The following CCDC33 variants were observed in gnomAD, a reference collection of about 807,000 sequenced individuals.
CCDC33 encodes coiled-coil domain containing 33, also known as coiled-coil domain-containing protein 33.
Under a neutral mutation model 91.9 loss-of-function variants are expected in CCDC33, and 94 were observed. That is an observed-to-expected ratio of 1.02 (90% confidence interval 0.87 to 1.21). The LOEUF (loss-of-function observed/expected upper bound fraction) is 1.21. Ranked by LOEUF, CCDC33 falls within the 50% of genes most tolerant of loss-of-function variation. CCDC33 has a pLI of 0.00. For synonymous variants in CCDC33, 396 were observed against 374.5 expected (o/e 1.06, Z -0.66); for missense variants, 940 against 935.5 (o/e 1.00, Z -0.06).
intron 2 of CCDC33, among the ~76,000 whole-genome samples, chr15:74,223,347 A>G (rs1395133725): frequency 6.6e-6 from 1 of 152,160 alleles, no homozygotes. Context: ...AGGTTAGATC[A>G]GGACTGCCAG....
At chr15:74,323,870 T>C (rs1326776186) in intron 11 of CCDC33, among the ~76,000 whole-genome samples, 2 of 150,816 alleles carry the variant, frequency 1.3e-5, no homozygotes, top group Non-Finnish European at 3.0e-5. Context: ...GGTGGGCGGA[T>C]CATGAGGTCA....
At chr15:74,296,049 C>A in intron 11 of CCDC33, 101 bp downstream of exon 11, 1 of 993,748 alleles carries the variant, frequency 1.0e-6, no homozygotes, top group Non-Finnish European at 1.5e-6. Flanking sequence ...CTCAGGTGGC[C>A]AGTAGACCTC....
chr15:74,334,279 T>A (rs2060508840), intron 17 of CCDC33, among the ~76,000 whole-genome samples: 1 of 147,344 alleles, frequency 6.8e-6, no homozygotes, highest in South Asian at 2.2e-4. Flanking sequence ...GTTCAGTGTG[T>A]GACCAGGGTC....
chr15:74,318,795 C>A lies in CCDC33; in HGVS notation c.1291-11394C>A, dbSNP rs536643273. ...AAGTGGGAGGCAGGGTGGAGAGGAC[C>A]AGGGCTTTGGCCCTTAGATGCCCGT... On this transcript the variant is annotated intron_variant, in intron 11 of 18. Coordinates refer to ENST00000398814, the MANE Select transcript of CCDC33 (RefSeq NM_025055.5). The A allele has an allele frequency of 3.2e-4, 206 of 641,186 alleles. No homozygotes were observed. In the African/African-American group the frequency reaches 3.7e-3, roughly 12 times the overall value. The allele number at this position is 641,186 out of a possible 1,614,324, so 39.7% of individuals were successfully genotyped here. A position where few individuals can be genotyped will look rare whatever the true frequency, so the allele number is the denominator to read the frequency against.
chr15:74,208,976 C>T (rs983868993), intron 1 of CCDC33: 1 of 1,006,010 alleles, frequency 9.9e-7, no homozygotes, highest in African/African-American at 1.7e-5. Context: ...TGTGTGGTCT[C>T]GGCAGTTGGC....
chr15:74,276,907 C>A (rs1307938818), intron 7 of CCDC33, among the ~76,000 whole-genome samples: 1 of 152,162 alleles, frequency 6.6e-6, no homozygotes, highest in Non-Finnish European at 1.5e-5. Context: ...ACCCCAGCTC[C>A]CACAACCACA....
chr15:74,333,568 T>C (rs1354745134), intron 16 of CCDC33, among the ~76,000 whole-genome samples: 1 of 152,196 alleles, frequency 6.6e-6, no homozygotes, highest in Non-Finnish European at 1.5e-5. Flanking sequence ...CCTCACAGGT[T>C]CTTCACTTCA....
chr15:74,235,046 ACT>A (rs1282764644), upstream of CCDC33, among the ~76,000 whole-genome samples: 1 of 152,176 alleles, frequency 6.6e-6, no homozygotes, highest in Non-Finnish European at 1.5e-5. Context: ...GGGAGCAGCC[ACT>A]GAGACCTTTC....
intron 11 of CCDC33, 103 bp from the exon 12 acceptor site, chr15:74,330,086 A>G (rs2060395671): frequency 7.3e-7 from 1 of 1,361,478 alleles, no homozygotes; most frequent in South Asian, 1.5e-5. Flanking sequence ...CCTGGTGCTC[A>G]CTGGCCTTGT....
chr15:74,218,806 C>A lies in CCDC33; in HGVS notation c.620C>A (p.Ala207Asp). The change falls in exon 2 of 3, where the codon GCT becomes GAT. Residue 207 changes from alanine (A) to aspartate (D), a missense_variant. Physicochemically the swap from Ala to Asp is moderately radical, Grantham distance 126. Coordinates refer to the CCDC33 transcript ENST00000635913. The surrounding 1 kb of genome is among the most constrained non-coding windows in gnomAD (Gnocchi z 4.8). Reference sequence around the variant, plus strand: ...CCAGTCTCAGACAGCCCTCCCAGGGCTGGCCAGCCAGAACTGATGTCACCA... The same window carrying A: ...CCAGTCTCAGACAGCCCTCCCAGGGATGGCCAGCCAGAACTGATGTCACCA... 3 of 1,283,654 alleles carry A rather than the reference C, an allele frequency of 2.3e-6. No individual in the cohort carries two copies. The highest frequency in any genetic ancestry group is 3.0e-6 in the Non-Finnish European group (3 of 985,306). The allele number at this position is 1,283,654 out of a possible 1,614,324, so 79.5% of individuals were successfully genotyped here. A position where few individuals can be genotyped will look rare whatever the true frequency, so the allele number is the denominator to read the frequency against.
chr15:74,326,932 G>A (rs2060321635), intron 11 of CCDC33, among the ~76,000 whole-genome samples: 1 of 152,204 alleles, frequency 6.6e-6, no homozygotes, highest in African/African-American at 2.4e-5. Flanking sequence ...CCAGCTCCAG[G>A]CTGTAGGGAG....
rs547009644 is a variant in CCDC33 at position 74,264,532 on chromosome 15, C to T, written c.319+1959C>T. ...GGGAAAATGTACGGCACTCACCTCT[C>T]GTTCAACCTTGGCAAATCCCAACTG... On this transcript the variant is annotated intron_variant, in intron 3 of 18. Transcript: ENST00000398814. Among the ~76,000 whole-genome samples the T allele has an allele frequency of 3.3e-5, 5 of 152,244 alleles. No homozygotes were observed. In the East Asian group the frequency reaches 5.8e-4, roughly 18 times the overall value.
intron 10 of CCDC33, among the ~76,000 whole-genome samples, chr15:74,291,106 C>A (rs1237343974): frequency 6.6e-6 from 1 of 152,244 alleles, no homozygotes; most frequent in Admixed American, 6.5e-5. Flanking sequence ...AGGATTAACA[C>A]TGGGGCCCTT....
chr15:74,301,889 C>G (rs772029571), intron 11 of CCDC33: 1 of 150,138 alleles, frequency 6.7e-6, no homozygotes, highest in African/African-American at 2.4e-5. Context: ...CTCCACCTCT[C>G]TCTCCTTCTC....
chr15:74,239,794 A>G (rs2142244438), intron 1 of CCDC33, among the ~76,000 whole-genome samples: 1 of 151,236 alleles, frequency 6.6e-6, no homozygotes, highest in Non-Finnish European at 1.5e-5. Flanking sequence ...GGCTCACCAC[A>G]CCCCTACAGA....
intron 2 of CCDC33, among the ~76,000 whole-genome samples, chr15:74,231,077 G>A (rs953277178): frequency 9.2e-5 from 14 of 152,298 alleles, no homozygotes; most frequent in Admixed American, 3.3e-4. Context: ...CCCAGTAGCC[G>A]TTTACTGAGC....
In CCDC33 at chr15:74,262,439, G is replaced by A; in HGVS notation, c.186-1G>A. 6.2e-7 allele frequency: 1 copy of A among 1,613,916 alleles called. No individual in the cohort carries two copies. The highest frequency in any genetic ancestry group is 8.5e-7 in the Non-Finnish European group (1 of 1,179,898). On this transcript the variant is annotated splice_acceptor_variant, in intron 2 of 18. Coordinates refer to ENST00000398814, the MANE Select transcript of CCDC33 (RefSeq NM_025055.5). LOFTEE classifies it high-confidence loss of function. ...ACTCACCCTGCCCCTGCTCTCCCCA[G>A]GAAAAGCACATCTGAGGAAAAGAAC...
chr15:74,284,848 T>C (rs1459353702), intron 10 of CCDC33, among the ~76,000 whole-genome samples: 2 of 152,256 alleles, frequency 1.3e-5, no homozygotes, highest in Non-Finnish European at 2.9e-5. Context: ...GCCTGCAACT[T>C]CATCATGGAA....
At chr15:74,214,961 G>C (rs545826421), upstream of CCDC33, among the ~76,000 whole-genome samples, 15 of 152,228 alleles carry the variant, frequency 9.9e-5, no homozygotes, top group East Asian at 2.9e-3. Flanking sequence ...CCTATCCCTC[G>C]CCCAGCGTGG....
Sources: gnomAD v4.1 joint callset for allele counts (sites outside exome capture counted in the v4.1 genomes callset) on GRCh38, gnomAD v4.1.1 for gene constraint, Gnocchi (gnomAD v3.1) non-coding constraint, MANE v1.5 for transcripts, NCBI Gene and HGNC (gene_info 2026-07-23, HGNC 2026-07-21) for gene names.